Variants in ARHGAP28 observed in about 807,000 individuals in gnomAD.
ARHGAP28 encodes the protein Rho GTPase activating protein 28, also known as rho GTPase-activating protein 28.
In ARHGAP28, 56 loss-of-function variants were observed where a neutral mutation model predicts 90.7. That is an observed-to-expected ratio of 0.62 (90% CI 0.50 to 0.77). ARHGAP28 has a LOEUF of 0.77. Ranked by LOEUF, ARHGAP28 falls within the 30% of genes least tolerant of loss-of-function variation. ARHGAP28 has a pLI of 0.00. For missense variants in ARHGAP28, 869 were observed against 900.9 expected, an observed-to-expected ratio of 0.96 and a Z score of 0.45; for synonymous variants, 308 against 323.3, an observed-to-expected ratio of 0.95 and a Z score of 0.51.
At chr18:6,904,047 T>C (rs983863786) in intron 16 of ARHGAP28, among the ~76,000 whole-genome samples, 2 of 151,892 alleles carry the variant, frequency 1.3e-5, no homozygotes, top group African/African-American at 4.8e-5. Context: ...AAATAGGAAG[T>C]CTTAAGCAAA....
chr18:6,770,948 T>A (rs555548264), intron 1 of ARHGAP28, among the ~76,000 whole-genome samples: 1 of 152,336 alleles, frequency 6.6e-6, no homozygotes, highest in East Asian at 1.9e-4. Context: ...ACCTTCAGGT[T>A]CAATAATTAT....
chr18:6,863,250 T>C (rs902991281), intron 5 of ARHGAP28, among the ~76,000 whole-genome samples: 1 of 152,068 alleles, frequency 6.6e-6, no homozygotes, highest in African/African-American at 2.4e-5. Context: ...GTATTTATTC[T>C]AAGATTCTGA....
At chr18:6,751,620 T>C (rs4591228) in intron 1 of ARHGAP28, among the ~76,000 whole-genome samples, 147,902 of 152,306 alleles carry the variant, frequency 0.97, 71,990 homozygotes, top group Middle Eastern at 1. Flanking sequence ...TTCTCTGTGC[T>C]AATTGCATCA....
At chr18:6,803,533 A>T (rs1297330840) in intron 1 of ARHGAP28, among the ~76,000 whole-genome samples, 1 of 152,042 alleles carries the variant, frequency 6.6e-6, no homozygotes, top group Non-Finnish European at 1.5e-5. Flanking sequence ...ACATTAGCTG[A>T]TGGCTTCCTT....
At chr18:6,796,451 A>C (rs887155643) in intron 1 of ARHGAP28, among the ~76,000 whole-genome samples, 3 of 152,070 alleles carry the variant, frequency 2.0e-5, no homozygotes, top group Non-Finnish European at 4.4e-5. Context: ...CTGTCTTCAA[A>C]GATGCCAACA....
At position 6,843,314 on chromosome 18, in the gene ARHGAP28, G is replaced by C. The variant is rs1026877535; in HGVS notation, c.543+5900G>C. ...AACTACTGCCGCTCTTCAGTGTCTG[G>C]AAGGGAAGGGTCTGCCTGGCCTCTT... On this transcript the variant is annotated intron_variant, in intron 3 of 17. Coordinates refer to ENST00000383472, the MANE Select transcript of ARHGAP28 (RefSeq NM_001366230.1). Among the ~76,000 whole-genome samples the C allele has an allele frequency of 5.3e-5, 8 of 152,202 alleles. 1 individual carries two copies. Among genetic ancestry groups the C allele is most frequent in the Admixed American group, 2.0e-4 (3 of 15,288 alleles).
intron 3 of ARHGAP28, among the ~76,000 whole-genome samples, chr18:6,844,753 G>A (rs958547610): frequency 3.3e-5 from 5 of 151,638 alleles, no homozygotes. Flanking sequence ...TGAGTGTAAG[G>A]AGGTTAGAAA....
intron 1 of ARHGAP28, among the ~76,000 whole-genome samples, chr18:6,749,409 A>G (rs1277168125): frequency 6.6e-6 from 1 of 152,204 alleles, no homozygotes; most frequent in Non-Finnish European, 1.5e-5. Context: ...CTTTGATTGC[A>G]TATAACCTGT....
At chr18:6,788,401 A>G (rs2056381580) in intron 1 of ARHGAP28, 1 of 151,900 alleles carries the variant, frequency 6.6e-6, no homozygotes, top group African/African-American at 2.4e-5. Flanking sequence ...TCTTTTCTTT[A>G]TGTAATAAAT....
At chr18:6,739,974 C>G (rs1461849735) in intron 1 of ARHGAP28, among the ~76,000 whole-genome samples, 2 of 151,876 alleles carry the variant, frequency 1.3e-5, no homozygotes, top group African/African-American at 2.4e-5. Context: ...CCTGCCTCAG[C>G]CTCCCAAGTA....
At chr18:6,733,808 G>A (rs1188655983) in intron 1 of ARHGAP28, among the ~76,000 whole-genome samples, 1 of 152,078 alleles carries the variant, frequency 6.6e-6, no homozygotes, top group Non-Finnish European at 1.5e-5. Context: ...TTCCATTTTG[G>A]TCAACTGATT....
Position 6,824,850 on chromosome 18 carries a change from G to T in ARHGAP28, c.211G>T (p.Ala71Ser), listed in dbSNP as rs1245985341. The T allele has an allele frequency of 6.5e-7, 1 of 1,536,354 alleles. No individual in the cohort carries two copies. Among genetic ancestry groups the T allele is most frequent in the African/African-American group, 1.4e-5 (1 of 73,014 alleles). The change falls in exon 2 of 18, where the codon GCC becomes TCC. Residue 71 changes from alanine (A) to serine (S), a missense_variant. Coordinates refer to ENST00000383472, the MANE Select transcript of ARHGAP28 (RefSeq NM_001366230.1). Reference sequence around the variant, plus strand: ...TGCCTTCAGCCGTTCCAACTCAGAAGCCTCCGTAGACAGCGCCTCCATGGA... The same window carrying T: ...TGCCTTCAGCCGTTCCAACTCAGAATCCTCCGTAGACAGCGCCTCCATGGA... ...PPAFSRSNSE[A>S]SVDSASMEDF...
rs1567966554 is a variant in ARHGAP28, at chr18:6,841,179, TCCTCTCTCTCTCTCTCTCTCTCTCCTCTC to T, written c.543+3767_543+3795del. ...TCTTTCTCTCTCTCCTCTCTCTCTC[TCCTCTCTCTCTCTCTCTCTCTCTCCTCTC>T]CTCTCTCTCTCTCTCCCCCCAACCC... is the stretch of plus-strand genomic sequence containing the variant. On this transcript the variant is annotated intron_variant, in intron 3 of 17. Coordinates refer to ENST00000383472, the MANE Select transcript of ARHGAP28 (RefSeq NM_001366230.1). Among the ~76,000 whole-genome samples the T allele has an allele frequency of 2.7e-4, 18 of 67,324 alleles. 1 individual carries two copies. The highest frequency in any genetic ancestry group is 1.3e-3 in the East Asian group (3 of 2,244). The allele number at this position is 67,324 out of a possible 152,430, so 44.2% of individuals were successfully genotyped here. A position where few individuals can be genotyped will look rare whatever the true frequency, so the allele number is the denominator to read the frequency against.
At chr18:6,762,242 C>G (rs1452879626) in intron 1 of ARHGAP28, among the ~76,000 whole-genome samples, 1 of 152,098 alleles carries the variant, frequency 6.6e-6, no homozygotes, top group East Asian at 1.9e-4. Flanking sequence ...AGTGATTTTT[C>G]TAAAATACAA....
chr18:6,767,519 G>A (rs1172274100), intron 1 of ARHGAP28, among the ~76,000 whole-genome samples: 1 of 151,950 alleles, frequency 6.6e-6, no homozygotes, highest in Non-Finnish European at 1.5e-5. Flanking sequence ...AGCTGGCTCT[G>A]TGCTTTTGTT....
At chr18:6,910,074 C>G (rs1055999123) in intron 17 of ARHGAP28, among the ~76,000 whole-genome samples, 5 of 152,160 alleles carry the variant, frequency 3.3e-5, no homozygotes, top group African/African-American at 1.2e-4. Context: ...GAAGCCACTC[C>G]AGGCACACTC....
intron 1 of ARHGAP28, among the ~76,000 whole-genome samples, chr18:6,810,675 G>A (rs2056549935): frequency 6.6e-6 from 1 of 152,102 alleles, no homozygotes; most frequent in African/African-American, 2.4e-5. Flanking sequence ...CATCGTATAG[G>A]TTAAAGCTAA....
chr18:6,785,452 C>T (rs927008311), intron 1 of ARHGAP28, among the ~76,000 whole-genome samples: 2 of 152,208 alleles, frequency 1.3e-5, no homozygotes, highest in African/African-American at 4.8e-5. Context: ...ACCTCCAATG[C>T]ATCTTTCTAC....
chr18:6,865,613 T>C (rs1370279783), intron 5 of ARHGAP28, among the ~76,000 whole-genome samples: 1 of 152,184 alleles, frequency 6.6e-6, no homozygotes, highest in East Asian at 1.9e-4. Context: ...AAACATGTTT[T>C]GAGTCAGTGA....
Sources: allele counts gnomAD v4.1 joint callset (sites outside exome capture counted in the v4.1 genomes callset), GRCh38; gene constraint gnomAD v4.1.1; transcripts MANE v1.5; gene names NCBI Gene and HGNC (gene_info 2026-07-23, HGNC 2026-07-21).